Variants in KIAA1217 observed in about 807,000 individuals in gnomAD.
KIAA1217 encodes KIAA1217.
Under a neutral mutation model 163.9 loss-of-function variants are expected in KIAA1217, and 88 were observed. The ratio of observed to expected loss-of-function variants is 0.54; its 90% CI spans 0.45 to 0.64. The LOEUF is 0.64. Among genes scored for constraint, KIAA1217 ranks in the 30% least tolerant of loss-of-function variants. The pLI, the probability that KIAA1217 is intolerant of heterozygous loss-of-function variation, is 0.00. For synonymous variants in KIAA1217, 903 were observed against 923.1 expected (o/e 0.98, Z 0.39); for missense variants, 2,372 against 2,475.0 (o/e 0.96, Z 0.88).
At chr10:24,467,590 T>C (rs192234071) in intron 5 of KIAA1217, among the ~76,000 whole-genome samples, 12 of 152,354 alleles carry the variant, frequency 7.9e-5, no homozygotes, top group African/African-American at 2.4e-4. Context: ...GGTCATCTCT[T>C]TCTTGCTGTA....
At chr10:24,084,755 T>C (rs2061640614) in intron 2 of KIAA1217, among the ~76,000 whole-genome samples, 2 of 151,908 alleles carry the variant, frequency 1.3e-5, no homozygotes, top group African/African-American at 4.8e-5. Context: ...CAAAAAGTAA[T>C]TGAGAGAGAA....
At chr10:23,940,460 CAAAAA>C (rs760090400) in intron 1 of KIAA1217, among the ~76,000 whole-genome samples, 1 of 46,026 alleles carries the variant, frequency 2.2e-5, no homozygotes, top group Admixed American at 2.7e-4. Flanking sequence ...GACTCCGTCT[CAAAAA>C]AAAAAAAAAA....
chr10:23,772,037 T>C (rs1417694981), intron 1 of KIAA1217, among the ~76,000 whole-genome samples: 1 of 152,244 alleles, frequency 6.6e-6, no homozygotes, highest in Non-Finnish European at 1.5e-5. Context: ...TTTTAAATTA[T>C]GTGAATTTTA....
intron 1 of KIAA1217, among the ~76,000 whole-genome samples, chr10:23,991,081 C>T (rs1201046758): frequency 6.6e-6 from 1 of 152,134 alleles, no homozygotes; most frequent in Non-Finnish European, 1.5e-5. Context: ...GCTTAAATGA[C>T]ATTTAGAGCC....
At chr10:23,750,855 G>A (rs1839695407) in intron 1 of KIAA1217, among the ~76,000 whole-genome samples, 1 of 151,988 alleles carries the variant, frequency 6.6e-6, no homozygotes, top group Non-Finnish European at 1.5e-5. Context: ...TTCTAGCTAG[G>A]AAAAATATAG....
At chr10:24,180,653 A>T (rs576859116) in intron 2 of KIAA1217, among the ~76,000 whole-genome samples, 2 of 151,700 alleles carry the variant, frequency 1.3e-5, no homozygotes, top group Admixed American at 6.6e-5. Context: ...GTCTCCCCAG[A>T]CCTCCAGCTA....
intron 1 of KIAA1217, among the ~76,000 whole-genome samples, chr10:23,826,904 A>G (rs1837925186): frequency 6.6e-6 from 1 of 152,094 alleles, no homozygotes; most frequent in Non-Finnish European, 1.5e-5. Context: ...CCCTATAGTG[A>G]TATCTTCACT....
intron 1 of KIAA1217, among the ~76,000 whole-genome samples, chr10:23,895,586 A>T (rs1301436048): frequency 1.3e-5 from 2 of 152,138 alleles, no homozygotes; most frequent in Non-Finnish European, 2.9e-5. Flanking sequence ...CAGTGTGGTG[A>T]TTCCTCAGAG....
chr10:23,884,842 A>G (rs1351668345), intron 1 of KIAA1217, among the ~76,000 whole-genome samples: 1 of 151,956 alleles, frequency 6.6e-6, no homozygotes, highest in Non-Finnish European at 1.5e-5. Flanking sequence ...TCTTGGGAAC[A>G]GTAGAGGGTC....
At chr10:24,407,214 G>C (rs1220411359) in intron 3 of KIAA1217, among the ~76,000 whole-genome samples, 1 of 152,074 alleles carries the variant, frequency 6.6e-6, no homozygotes, top group Non-Finnish European at 1.5e-5. Context: ...CGTTGGTGAT[G>C]ATAACATGGG....
intron 3 of KIAA1217, among the ~76,000 whole-genome samples, chr10:24,429,789 T>C (rs1236666100): frequency 2.6e-5 from 4 of 152,160 alleles, no homozygotes; most frequent in Non-Finnish European, 5.9e-5. Context: ...AAGTTTTATA[T>C]GTGGGTCTGG....
upstream of KIAA1217, among the ~76,000 whole-genome samples, chr10:24,205,196 A>G (rs1457036745): frequency 6.6e-6 from 1 of 151,134 alleles, no homozygotes; most frequent in Non-Finnish European, 1.5e-5. Context: ...CACGCCTGTA[A>G]TCCCAGCGTG....
At chr10:23,956,793 A>G (rs770254460) in intron 1 of KIAA1217, among the ~76,000 whole-genome samples, 13 of 152,202 alleles carry the variant, frequency 8.5e-5, no homozygotes, top group Non-Finnish European at 1.6e-4. Context: ...GGGGAGGTGC[A>G]AGGCTTTTTA....
At chr10:23,729,295 T>C (rs909595436) in intron 1 of KIAA1217, among the ~76,000 whole-genome samples, 8 of 152,184 alleles carry the variant, frequency 5.3e-5, no homozygotes, top group African/African-American at 1.9e-4. Context: ...AAGTTTTCAT[T>C]TCCATTTGGT....
At chr10:23,971,594 A>G (rs765358729) in intron 1 of KIAA1217, among the ~76,000 whole-genome samples, 2 of 152,180 alleles carry the variant, frequency 1.3e-5, no homozygotes, top group Non-Finnish European at 2.9e-5. Context: ...GAATGACAAA[A>G]CAGACTCTAT....
At chr10:23,891,238 C>A (rs1426597060) in intron 1 of KIAA1217, among the ~76,000 whole-genome samples, 1 of 151,806 alleles carries the variant, frequency 6.6e-6, no homozygotes. Flanking sequence ...CTTAATGTAC[C>A]AATTGATGTT....
chr10:23,954,257 C>T (rs2131360726), intron 1 of KIAA1217, among the ~76,000 whole-genome samples: 1 of 152,122 alleles, frequency 6.6e-6, no homozygotes, highest in African/African-American at 2.4e-5. Context: ...GCCATTGATG[C>T]TAGAGCCTCA....
chr10:24,532,881 C>A (rs2073335997), intron 15 of KIAA1217, among the ~76,000 whole-genome samples, 189 bp from the exon 16 acceptor site: 1 of 152,102 alleles, frequency 6.6e-6, no homozygotes, highest in South Asian at 2.1e-4. Flanking sequence ...AATCCATTCA[C>A]CAAAATGACA....
chr10:24,153,639 A>G (rs1283127330), intron 2 of KIAA1217, among the ~76,000 whole-genome samples: 1 of 152,256 alleles, frequency 6.6e-6, no homozygotes, highest in East Asian at 1.9e-4. Flanking sequence ...TTGTTCTCAA[A>G]CTTTTGTTAT....
Sources: allele counts gnomAD v4.1 joint callset (sites outside exome capture counted in the v4.1 genomes callset), GRCh38; gene constraint gnomAD v4.1.1; transcripts MANE v1.5; gene names NCBI Gene and HGNC (gene_info 2026-07-23, HGNC 2026-07-21).